AGA: variants seen among roughly 807,000 people sequenced by gnomAD.
AGA encodes the protein aspartylglucosaminidase, also known as N(4)-(beta-N-acetylglucosaminyl)-L-asparaginase.
In AGA, 31 loss-of-function variants were observed where a neutral mutation model predicts 40.1. That is an observed-to-expected ratio of 0.77 (90% CI 0.58 to 1.04). The LOEUF is 1.04. Ranked by LOEUF, AGA falls within the 50% of genes least tolerant of loss-of-function variation. AGA has a pLI of 0.00. For synonymous variants in AGA, 148 were observed against 144.0 expected (o/e 1.03, Z -0.20); for missense variants, 445 against 435.4 (o/e 1.02, Z -0.20).
chr4:177,439,755 C>A, intron 2 of AGA, 67 bp from the exon 3 acceptor site: 1 of 1,178,814 alleles, frequency 8.5e-7, no homozygotes, highest in East Asian at 2.3e-5. Flanking sequence ...AAAAACATTG[C>A]TTTTCTCCAA....
chr4:177,439,577 T>G lies in AGA; in HGVS notation c.393A>C (p.Ser131=), dbSNP rs1736925635. 1 of 1,608,710 alleles carries G rather than the reference T, an allele frequency of 6.2e-7. No homozygotes were observed. Among genetic ancestry groups the G allele is most frequent in the African/African-American group, 1.3e-5 (1 of 74,792 alleles). Reference sequence around the variant, plus strand: ...ATTTCAGTGTAGTTAAAAAAATACCTGACTCTCCTACTAAAAGTGTGTGTG... The same window carrying G: ...ATTTCAGTGTAGTTAAAAAAATACCGGACTCTCCTACTAAAAGTGTGTGTG... The part of the protein sequence containing the change: ...HTTHTLLVGE[S]ATTFAQSMGF... Residue 131 remains serine (S), a splice_region_variant and synonymous_variant, in exon 3 of 9, where the codon TCA becomes TCC. Transcript: ENST00000264595.
At chr4:177,435,085 T>C (rs1736768347) in intron 6 of AGA, among the ~76,000 whole-genome samples, 1 of 151,756 alleles carries the variant, frequency 6.6e-6, no homozygotes, top group Admixed American at 6.6e-5. Flanking sequence ...TATTTTTTTT[T>C]TTTTCAGTAG....
Position 177,437,635 on chromosome 4 carries a change from AAAGAT to A in AGA, c.508-121_508-117del, listed in dbSNP as rs1736868763. On this transcript the variant is annotated intron_variant, in intron 4 of 8. Coordinates refer to ENST00000264595, the MANE Select transcript of AGA (RefSeq NM_000027.4). ...ACCAAAAAAAGACATCTGGTAACTT[AAAGAT>A]AAGAATTAAAAGCTAAGAAATCACT... 12 of 708,296 alleles carry A rather than the reference AAAGAT, an allele frequency of 1.7e-5. No homozygotes were observed. The South Asian group carries it at 1.9e-4, about 11-fold the overall frequency. The allele number at this position is 708,296 out of a possible 1,614,324, so 43.9% of individuals were successfully genotyped here. A position where few individuals can be genotyped will look rare whatever the true frequency, so the allele number is the denominator to read the frequency against.
At chr4:177,434,802 A>C (rs1466514677) in intron 6 of AGA, among the ~76,000 whole-genome samples, 2 of 152,172 alleles carry the variant, frequency 1.3e-5, no homozygotes, top group African/African-American at 4.8e-5. Context: ...CAAAGGACAC[A>C]CAATTCCAGT....
At chr4:177,432,693 CTG>C (rs1736669755) in intron 8 of AGA, among the ~76,000 whole-genome samples, 1 of 152,148 alleles carries the variant, frequency 6.6e-6, no homozygotes, top group African/African-American at 2.4e-5. Flanking sequence ...TGCTTTGAAA[CTG>C]TGATAGGCTC....
intron 3 of AGA, 119 bp from the exon 4 acceptor site, chr4:177,438,976 A>C: frequency 1.4e-6 from 1 of 729,960 alleles, no homozygotes; most frequent in Non-Finnish European, 2.5e-6. Flanking sequence ...AAAGACTTTC[A>C]AAGGAATATT....
Position 177,434,366 on chromosome 4 carries a change from A to G in AGA, c.806+16T>C. The G allele has an allele frequency of 6.2e-7, 1 of 1,610,064 alleles. No individual in the cohort carries two copies. Among genetic ancestry groups the G allele is most frequent in the East Asian group, 2.2e-5 (1 of 44,574 alleles). ...TCTCCAAAGGTCTCTAAAATTCACA[A>G]ACTAAGAAGTCATACCTTGGCAGGA... On this transcript the variant is annotated intron_variant, in intron 7 of 8. Coordinates refer to ENST00000264595, the MANE Select transcript of AGA (RefSeq NM_000027.4).
chr4:177,436,336 T>A lies in AGA; in HGVS notation c.638A>T (p.His213Leu). ...GHDTIGMVVI[H>L]KTGHIAAGTS... Reference sequence around the variant, plus strand: ...ACCAGCAGCAATATGTCCTGTCTTATGGATTACAACCATGCCTAGAAGTTA... The same window carrying A: ...ACCAGCAGCAATATGTCCTGTCTTAAGGATTACAACCATGCCTAGAAGTTA... The change falls in exon 6 of 9, where the codon CAT (histidine) becomes CTT (leucine). Residue 213 changes from histidine to leucine, a missense_variant. His to Leu is a moderately conservative substitution (Grantham distance 99). Transcript: ENST00000264595. 1 of 1,613,470 alleles carries A rather than the reference T, an allele frequency of 6.2e-7. No individual in the cohort carries two copies. Among genetic ancestry groups the A allele is most frequent in the Non-Finnish European group, 8.5e-7 (1 of 1,179,728 alleles).
intron 1 of AGA, among the ~76,000 whole-genome samples, chr4:177,441,969 T>C (rs568695169): frequency 2.6e-5 from 4 of 152,090 alleles, no homozygotes; most frequent in Non-Finnish European, 5.9e-5. Context: ...AGGCCATAAC[T>C]ATGGTCAGCA....
Position 177,439,666 on chromosome 4 carries a change from C to T in AGA, c.304G>A (p.Val102Ile), listed in dbSNP as rs944233648. The T allele has an allele frequency of 1.9e-6, 3 of 1,610,036 alleles. No individual in the cohort carries two copies. In the African/African-American group the frequency reaches 4.0e-5, roughly 22 times the overall value. Residue 102 changes from valine to isoleucine, a missense_variant, in exon 3 of 9, where the codon GTA (valine) becomes ATA (isoleucine). Coordinates refer to ENST00000264595, the MANE Select transcript of AGA (RefSeq NM_000027.4). ...MDGTTMDVGA[V>I]GDLRRIKNAI... ...TTTTTAATTCGTCTGAGATCTCCTACTGCTCCTACATCCATAGTAGTGCTG... is the reference window on the plus strand; with the variant it reads ...TTTTTAATTCGTCTGAGATCTCCTATTGCTCCTACATCCATAGTAGTGCTG...
In AGA at chr4:177,430,952, T is replaced by C. The variant is rs1316730008; in HGVS notation, c.*756A>G. On this transcript the variant is annotated 3_prime_UTR_variant, in exon 9 of 9. Coordinates refer to ENST00000264595, the MANE Select transcript of AGA (RefSeq NM_000027.4). ...CCCATTTCTTGACTTCTAATTGCCATACCCACCTCTGCACAAGGAATTAGT... is the reference window on the plus strand; with the variant it reads ...CCCATTTCTTGACTTCTAATTGCCACACCCACCTCTGCACAAGGAATTAGT... The C allele has an allele frequency of 6.6e-6, 3 of 453,952 alleles. No homozygotes were observed. The highest frequency in any genetic ancestry group is 1.3e-5 in the Non-Finnish European group (3 of 226,776). 28.1% of individuals were successfully genotyped at this position (453,952 alleles called of 1,614,324 possible). A position where few individuals can be genotyped will look rare whatever the true frequency, so the allele number is the denominator to read the frequency against.
Position 177,433,269 on chromosome 4 carries a change from C to T in AGA, c.885G>A (p.Lys295=), listed in dbSNP as rs34019119. The T allele has an allele frequency of 7.4e-4, 1,198 of 1,614,002 alleles. 2 individuals carry two copies. The highest frequency in any genetic ancestry group is 9.5e-4 in the Non-Finnish European group (1,126 of 1,179,992). The change falls in exon 8 of 9, where the codon AAG becomes AAA. Residue 295 remains lysine, a synonymous_variant. Transcript: ENST00000264595. ...CAGCCCCAAAGAATTCTGGAAAATG[C>T]TTCTGGATTCTTGAAATCACTTTTT... is the stretch of plus-strand genomic sequence containing the variant. The part of the protein sequence containing the change: ...ACQKVISRIQ[K]HFPEFFGAVI...
chr4:177,436,358 G>A lies in AGA; in HGVS notation c.623-7C>T, dbSNP rs201125635. ...TTATGGATTACAACCATGCCTAGAA[G>A]TTAAAAAAAAAAAATCACTGTAGGT... On this transcript the variant is annotated splice_polypyrimidine_tract_variant and splice_region_variant and intron_variant, in intron 5 of 8. Coordinates refer to ENST00000264595, the MANE Select transcript of AGA (RefSeq NM_000027.4). The A allele has an allele frequency of 2.7e-3, 4,291 of 1,599,072 alleles. 14 individuals are homozygous for A. The highest frequency in any genetic ancestry group is 3.2e-3 in the Non-Finnish European group (3,736 of 1,171,626).
rs34413111 is a variant in AGA, at chr4:177,442,352, A to G, written c.24T>C (p.Pro8=). 2.8e-5 allele frequency: 46 copies of G among 1,614,100 alleles called. No homozygotes were observed. The highest frequency in any genetic ancestry group is 1.7e-4 in the African/African-American group (13 of 75,066). Residue 8 remains proline, a synonymous_variant, in exon 1 of 9, where the codon CCT becomes CCC. Coordinates refer to ENST00000264595, the MANE Select transcript of AGA (RefSeq NM_000027.4). MARKSNL[P]VLLVPFLLCQ... ...AGAGCAGAAACGGCACGAGAAGCAC[A>G]GGCAAGTTCGACTTCCGCGCCATCC...
At chr4:177,431,983 G>T (rs1736649276) in intron 8 of AGA, among the ~76,000 whole-genome samples, 175 bp from the exon 9 acceptor site, 1 of 152,170 alleles carries the variant, frequency 6.6e-6, no homozygotes, top group African/African-American at 2.4e-5. Flanking sequence ...GTCCATGAAA[G>T]GAATGAGGTA....
Position 177,440,232 on chromosome 4 carries a change from G to A in AGA, c.281+41C>T, listed in dbSNP as rs375077753. 3 of 1,610,058 alleles carry A rather than the reference G, an allele frequency of 1.9e-6. No individual in the cohort carries two copies. In the African/African-American group the frequency reaches 4.0e-5, roughly 22 times the overall value. Reference sequence around the variant, plus strand: ...CTCTCAGAAGACCACAACTCTAAATGTAACTCAACATAATAAATAGGACCT... The same window carrying A: ...CTCTCAGAAGACCACAACTCTAAATATAACTCAACATAATAAATAGGACCT... On this transcript the variant is annotated intron_variant, in intron 2 of 8. Coordinates refer to ENST00000264595, the MANE Select transcript of AGA (RefSeq NM_000027.4).
chr4:177,432,319 A>C (rs3828487), intron 8 of AGA, among the ~76,000 whole-genome samples: 23,507 of 152,080 alleles, frequency 0.15, 2,039 homozygotes, highest in East Asian at 0.29. Flanking sequence ...TTGGTCATTA[A>C]ATAGAAGAAA....
rs1467200206 is a variant in AGA at position 177,438,841 on chromosome 4, T to C, written c.411A>G (p.Gln137=). Residue 137 remains glutamine, a synonymous_variant, in exon 4 of 9, where the codon CAA becomes CAG. Coordinates refer to ENST00000264595, the MANE Select transcript of AGA (RefSeq NM_000027.4). ...LVGESATTFA[Q]SMGFINEDLS... is the part of the protein sequence containing the mutation. The stretch of plus-strand genomic sequence containing the variant: ...AGTCTTCATTGATAAACCCCATACT[T>C]TGAGCAAATGTGGTGGCTGGAGATT... 3 of 1,593,236 alleles carry C rather than the reference T, an allele frequency of 1.9e-6. No homozygotes were observed. The highest frequency in any genetic ancestry group is 1.7e-5 in the Admixed American group (1 of 59,974).
At chr4:177,435,776 A>G (rs12499096) in intron 6 of AGA, among the ~76,000 whole-genome samples, 39,511 of 149,958 alleles carry the variant, frequency 0.26, 6,120 homozygotes, top group East Asian at 0.56. Context: ...CACCAGTGGG[A>G]GCCCTGAGCG....
Sources: gnomAD v4.1 joint callset for allele counts (sites outside exome capture counted in the v4.1 genomes callset) on GRCh38, gnomAD v4.1.1 for gene constraint, MANE v1.5 for transcripts, NCBI Gene and HGNC (gene_info 2026-07-23, HGNC 2026-07-21) for gene names.